The following NEO1 variants were observed in gnomAD, a reference collection of about 807,000 sequenced individuals.
NEO1 encodes the protein neogenin 1.
NEO1 carries 63 observed loss-of-function variants against 159.7 expected under a neutral mutation model. The observed-to-expected ratio is 0.39, with a 90% CI of 0.32 to 0.49. The LOEUF (loss-of-function observed/expected upper bound fraction) is 0.49, where lower values mean the gene tolerates loss of function less well. Among genes scored for constraint, NEO1 ranks in the 20% least tolerant of loss-of-function variants. The probability of loss-of-function intolerance (pLI) is 0.85; values close to 1 mark genes in which losing one functional copy is unlikely to be tolerated. For missense variants in NEO1, 1,615 were observed against 1,831.0 expected (o/e 0.88, Z 2.15); for synonymous variants, 633 against 662.0 (o/e 0.96, Z 0.67).
At chr15:73,233,290 T>C (rs918503747) in intron 7 of NEO1, among the ~76,000 whole-genome samples, 3 of 152,216 alleles carry the variant, frequency 2.0e-5, no homozygotes, top group Admixed American at 6.5e-5. Context: ...TGATTTACAA[T>C]GATCAGGCAT....
chr15:73,178,223 C>A, intron 6 of NEO1, 84 bp from the exon 7 acceptor site: 3 of 1,280,198 alleles, frequency 2.3e-6, no homozygotes, highest in Non-Finnish European at 3.2e-6. Flanking sequence ...TGTTTTTTTC[C>A]TCTCCAAAAA....
intron 22 of NEO1, among the ~76,000 whole-genome samples, chr15:73,280,928 G>A (rs974659042): frequency 7.2e-5 from 11 of 151,872 alleles, no homozygotes; most frequent in African/African-American, 2.2e-4. Flanking sequence ...AATTTGGGCC[G>A]GGCGCAGTGG....
chr15:73,105,140 A>G (rs1689621958), intron 1 of NEO1, among the ~76,000 whole-genome samples: 1 of 152,214 alleles, frequency 6.6e-6, no homozygotes, highest in Non-Finnish European at 1.5e-5. Flanking sequence ...TGTTTTCATT[A>G]TAAGCATCAG....
chr15:73,179,319 C>G (rs956222105), intron 7 of NEO1, among the ~76,000 whole-genome samples: 1 of 152,142 alleles, frequency 6.6e-6, no homozygotes, highest in Non-Finnish European at 1.5e-5. Flanking sequence ...CCTCTTTTTA[C>G]GGATGAGATC....
chr15:73,070,122 G>T (rs2068461912), intron 1 of NEO1, among the ~76,000 whole-genome samples: 1 of 152,200 alleles, frequency 6.6e-6, no homozygotes, highest in Non-Finnish European at 1.5e-5. Flanking sequence ...TATCCAACAA[G>T]AATAGTACAA....
At chr15:73,260,026 A>G (rs1290842773) in intron 14 of NEO1, among the ~76,000 whole-genome samples, 1 of 151,382 alleles carries the variant, frequency 6.6e-6, no homozygotes, top group African/African-American at 2.4e-5. Context: ...TTTCTCTTCC[A>G]AATTAATATT....
At chr15:73,133,754 G>C (rs1286786335) in intron 4 of NEO1, among the ~76,000 whole-genome samples, 1 of 151,806 alleles carries the variant, frequency 6.6e-6, no homozygotes, top group African/African-American at 2.4e-5. Context: ...CTAAAGGCTC[G>C]ATGGTCTTTT....
chr15:73,231,613 G>A (rs2038916477), intron 7 of NEO1, among the ~76,000 whole-genome samples: 1 of 152,140 alleles, frequency 6.6e-6, no homozygotes, highest in African/African-American at 2.4e-5. Context: ...GCATGCCTGT[G>A]GTCCTAGCTG....
At chr15:73,101,634 C>T (rs1445796059) in intron 1 of NEO1, among the ~76,000 whole-genome samples, 1 of 152,094 alleles carries the variant, frequency 6.6e-6, no homozygotes, top group African/African-American at 2.4e-5. Context: ...CTTTGTTTAC[C>T]TCTCTCTCAA....
chr15:73,161,947 T>G, intron 5 of NEO1: 1 of 205,710 alleles, frequency 4.9e-6, no homozygotes, highest in Non-Finnish European at 1.0e-5. Context: ...GTTCTCTTGG[T>G]GTTTTAGGAA....
chr15:73,164,565 T>C (rs2034438022), intron 5 of NEO1, among the ~76,000 whole-genome samples: 1 of 152,216 alleles, frequency 6.6e-6, no homozygotes, highest in Non-Finnish European at 1.5e-5. Context: ...GAATGTTGAA[T>C]AGCTTCATCA....
intron 25 of NEO1, among the ~76,000 whole-genome samples, chr15:73,292,120 GGGAA>G (rs1460304872): frequency 1.3e-5 from 2 of 152,190 alleles, no homozygotes; most frequent in Non-Finnish European, 2.9e-5. Context: ...GCCTTGAGAA[GGGAA>G]GGAAGGGTCA....
chr15:73,299,698 T>C (rs1477552981), intron 27 of NEO1, among the ~76,000 whole-genome samples: 2 of 152,230 alleles, frequency 1.3e-5, no homozygotes, highest in East Asian at 3.8e-4. Context: ...AAGCAACTAT[T>C]TTCAAAACAA....
rs2127279 is a variant in NEO1 at position 73,185,769 on chromosome 15, C to A, written c.1291+7342C>A. ...CTGAATGGATAAACAAAGTGTGATACATCTATACAATGGAACGTCATTCAT... is the reference window on the plus strand; with the variant it reads ...CTGAATGGATAAACAAAGTGTGATAAATCTATACAATGGAACGTCATTCAT... On this transcript the variant is annotated intron_variant, in intron 7 of 28. Coordinates refer to ENST00000261908, the MANE Select transcript of NEO1 (RefSeq NM_002499.4). Among the ~76,000 whole-genome samples the A allele has an allele frequency of 8.6e-3, 1,310 of 152,238 alleles. 23 individuals are homozygous for A. Among genetic ancestry groups the A allele is most frequent in the African/African-American group, 0.03 (1,236 of 41,538 alleles).
In NEO1 at chr15:73,247,287, C is replaced by G. The variant is rs539239671; in HGVS notation, c.1607-1773C>G. Among the ~76,000 whole-genome samples the G allele has an allele frequency of 2.2e-4, 33 of 152,228 alleles. 1 individual carries two copies. The highest frequency in any genetic ancestry group is 7.9e-4 in the African/African-American group (33 of 41,540). ...TATTTTACATATTTAGTTTCACAAA[C>G]CAACTTAACATTTTTTCCATTTATT... is the stretch of plus-strand genomic sequence containing the variant. On this transcript the variant is annotated intron_variant, in intron 9 of 28. Coordinates refer to ENST00000261908, the MANE Select transcript of NEO1 (RefSeq NM_002499.4).
intron 7 of NEO1, among the ~76,000 whole-genome samples, chr15:73,208,468 C>CT (rs1450584002): frequency 6.6e-6 from 1 of 152,142 alleles, no homozygotes; most frequent in Non-Finnish European, 1.5e-5. Context: ...TTTAGTAGAA[C>CT]TTTATTTTTT....
chr15:73,126,728 T>C, intron 4 of NEO1, 158 bp downstream of exon 4: 1 of 561,108 alleles, frequency 1.8e-6, no homozygotes, highest in Non-Finnish European at 2.9e-6. Flanking sequence ...ATGATATATA[T>C]GATGAGGATA....
chr15:73,254,882 G>T, intron 13 of NEO1, 53 bp downstream of exon 13: 2 of 1,569,846 alleles, frequency 1.3e-6, no homozygotes, highest in South Asian at 2.4e-5. Flanking sequence ...CTCAGATATT[G>T]AATTATGCTA....
At chr15:73,223,652 T>G (rs2038414838) in intron 7 of NEO1, among the ~76,000 whole-genome samples, 1 of 152,214 alleles carries the variant, frequency 6.6e-6, no homozygotes, top group Non-Finnish European at 1.5e-5. Flanking sequence ...TTCCACCCCT[T>G]TAAGTTCATA....
Sources: gnomAD v4.1 joint callset for allele counts (sites outside exome capture counted in the v4.1 genomes callset) on GRCh38, gnomAD v4.1.1 for gene constraint, MANE v1.5 for transcripts, NCBI Gene and HGNC (gene_info 2026-07-23, HGNC 2026-07-21) for gene names.